Variants in RBM46 observed in about 807,000 individuals in gnomAD.
RBM46 encodes the protein RNA binding motif protein 46, also known as probable RNA-binding protein 46.
In RBM46, 12 loss-of-function variants were observed where a neutral mutation model predicts 43.3. The ratio of observed to expected loss-of-function variants is 0.28; its 90% CI spans 0.18 to 0.45. The LOEUF (loss-of-function observed/expected upper bound fraction) is 0.45. Ranked by LOEUF, RBM46 falls within the 20% of genes least tolerant of loss-of-function variation. The probability of loss-of-function intolerance (pLI) is 1.00; values close to 1 mark genes in which losing one functional copy is unlikely to be tolerated. For missense variants in RBM46, 412 were observed against 639.1 expected (o/e 0.64, Z 3.83); for synonymous variants, 205 against 207.6 (o/e 0.99, Z 0.11).
chr4:154,802,994 G>T (rs1046446651), intron 4 of RBM46, among the ~76,000 whole-genome samples: 1 of 151,590 alleles, frequency 6.6e-6, no homozygotes, highest in African/African-American at 2.4e-5. Context: ...TCCCAAGTTT[G>T]AAAAATAAAA....
chr4:154,826,966 CATA>C (rs1328815953), intron 4 of RBM46: 1 of 1,293,510 alleles, frequency 7.7e-7, no homozygotes, highest in African/African-American at 1.5e-5. Context: ...CTAGAAACAC[CATA>C]ATGTTTCTAA....
chr4:154,794,097 G>A (rs1351509835), intron 1 of RBM46, among the ~76,000 whole-genome samples: 4 of 151,414 alleles, frequency 2.6e-5, no homozygotes, highest in African/African-American at 9.7e-5. Context: ...TATATCTCAA[G>A]TCAGACCCCT....
chr4:154,787,836 C>A (rs189684472), intron 1 of RBM46, among the ~76,000 whole-genome samples: 12 of 152,290 alleles, frequency 7.9e-5, no homozygotes, highest in African/African-American at 2.9e-4. Flanking sequence ...CACATCCTCT[C>A]CAGCACCTGT....
chr4:154,801,390 T>C (rs1734631643), intron 4 of RBM46, among the ~76,000 whole-genome samples: 2 of 152,226 alleles, frequency 1.3e-5, no homozygotes, highest in Admixed American at 1.3e-4. Context: ...TCATTGAAGC[T>C]AATAAATTCT....
intron 4 of RBM46, among the ~76,000 whole-genome samples, chr4:154,807,184 A>G (rs2111166642): frequency 6.6e-6 from 1 of 151,872 alleles, no homozygotes; most frequent in Admixed American, 6.6e-5. Context: ...TGTTAGTAGC[A>G]GTTCATAATT....
intron 4 of RBM46, among the ~76,000 whole-genome samples, chr4:154,810,365 T>A (rs1474771854): frequency 6.6e-6 from 1 of 152,192 alleles, no homozygotes; most frequent in Admixed American, 6.5e-5. Context: ...GGCACCACAA[T>A]TTAATTCAAC....
At chr4:154,785,775 T>C (rs921506926) in intron 1 of RBM46, among the ~76,000 whole-genome samples, 1 of 152,216 alleles carries the variant, frequency 6.6e-6, no homozygotes, top group Non-Finnish European at 1.5e-5. Flanking sequence ...TTCAGAGTTA[T>C]GAATTTCTGA....
chr4:154,811,073 C>G (rs531386080), intron 4 of RBM46, among the ~76,000 whole-genome samples: 55 of 152,246 alleles, frequency 3.6e-4, no homozygotes, highest in Middle Eastern at 6.8e-3. Flanking sequence ...TTTCATAGAC[C>G]TTACATTCTA....
At chr4:154,821,177 G>A (rs1301646354) in intron 4 of RBM46, among the ~76,000 whole-genome samples, 1 of 151,708 alleles carries the variant, frequency 6.6e-6, no homozygotes, top group African/African-American at 2.4e-5. Context: ...AGAAATGCTT[G>A]TTATACTTGA....
At chr4:154,794,478 T>C (rs544147616) in intron 1 of RBM46, among the ~76,000 whole-genome samples, 1 of 152,230 alleles carries the variant, frequency 6.6e-6, no homozygotes, top group South Asian at 2.1e-4. Context: ...TCTCACTGCT[T>C]CCACCTTTGC....
chr4:154,781,279 G>C lies in RBM46; in HGVS notation c.-169G>C, dbSNP rs1295161876. 2 of 152,112 alleles carry C rather than the reference G, an allele frequency of 1.3e-5. No homozygotes were observed. Among genetic ancestry groups the C allele is most frequent in the African/African-American group, 4.8e-5 (2 of 41,336 alleles). The allele number at this position is 152,112 out of a possible 1,614,324, so 9.4% of individuals were successfully genotyped here. A position where few individuals can be genotyped will look rare whatever the true frequency, so the allele number is the denominator to read the frequency against. On this transcript the variant is annotated 5_prime_UTR_variant, in exon 1 of 5. Coordinates refer to ENST00000281722, the MANE Select transcript of RBM46 (RefSeq NM_144979.5). ...CCGCGCGCGCTGCGCGCTGGGAAACGAGTGGAGACACGAGGACCAGCGCGA... is the reference window on the plus strand; with the variant it reads ...CCGCGCGCGCTGCGCGCTGGGAAACCAGTGGAGACACGAGGACCAGCGCGA...
At chr4:154,815,280 A>C (rs1260953987) in intron 4 of RBM46, among the ~76,000 whole-genome samples, 1 of 152,008 alleles carries the variant, frequency 6.6e-6, no homozygotes. Flanking sequence ...TGACACTCTA[A>C]AGATTCTTGA....
chr4:154,806,101 G>A (rs2111163670), intron 4 of RBM46, among the ~76,000 whole-genome samples: 1 of 151,772 alleles, frequency 6.6e-6, no homozygotes, highest in East Asian at 1.9e-4. Flanking sequence ...CTCTGAGAGG[G>A]CTTAGTCCTC....
chr4:154,799,854 G>A (rs1734538498), intron 4 of RBM46, among the ~76,000 whole-genome samples: 1 of 149,914 alleles, frequency 6.7e-6, no homozygotes, highest in Non-Finnish European at 1.5e-5. Flanking sequence ...GTGCCTCCTA[G>A]GTTCAGGCGA....
chr4:154,788,526 G>A (rs1290394061), intron 1 of RBM46, among the ~76,000 whole-genome samples: 1 of 152,118 alleles, frequency 6.6e-6, no homozygotes, highest in Non-Finnish European at 1.5e-5. Context: ...TGAGGGCTCT[G>A]TTCTGTTCCA....
In RBM46 at chr4:154,799,992, C is replaced by T. The variant is rs532420528; in HGVS notation, c.1402+428C>T. ...TTCACTGTGTTAGCTAGGATGGTCT[C>T]GATCTCCTGACCTCGTGATCTGCCC... On this transcript the variant is annotated intron_variant, in intron 4 of 4. Transcript: ENST00000281722. Among the ~76,000 whole-genome samples, 580 of 152,078 alleles carry T rather than the reference C, an allele frequency of 3.8e-3. 1 individual carries two copies. Among genetic ancestry groups the T allele is most frequent in the Middle Eastern group, 0.038 (11 of 292 alleles).
intron 4 of RBM46, among the ~76,000 whole-genome samples, chr4:154,818,819 AT>A (rs1208223828): frequency 6.6e-6 from 1 of 151,860 alleles, no homozygotes; most frequent in Non-Finnish European, 1.5e-5. Context: ...CTGTTTTGTA[AT>A]TTTTTTATCT....
At chr4:154,815,932 C>T (rs747720652) in intron 4 of RBM46, among the ~76,000 whole-genome samples, 3 of 151,864 alleles carry the variant, frequency 2.0e-5, no homozygotes, top group South Asian at 2.1e-4. Flanking sequence ...TATCAGAGTC[C>T]GCCCCGCTCA....
intron 1 of RBM46, among the ~76,000 whole-genome samples, chr4:154,782,811 G>A (rs1189292615): frequency 6.6e-6 from 1 of 152,164 alleles, no homozygotes; most frequent in Non-Finnish European, 1.5e-5. Context: ...TTAAAAATTG[G>A]CCTGATTTTG....
Sources: gnomAD v4.1 joint callset for allele counts (sites outside exome capture counted in the v4.1 genomes callset) on GRCh38, gnomAD v4.1.1 for gene constraint, MANE v1.5 for transcripts, NCBI Gene and HGNC (gene_info 2026-07-23, HGNC 2026-07-21) for gene names.